TUB: variants seen among roughly 807,000 people sequenced by gnomAD.
The protein encoded by TUB is tubby protein homolog.
TUB carries 33 observed loss-of-function variants against 59.7 expected under a neutral mutation model. That is an observed-to-expected ratio of 0.55 (90% CI 0.42 to 0.74). TUB has a LOEUF of 0.74. Among genes scored for constraint, TUB ranks in the 30% least tolerant of loss-of-function variants. The pLI, the probability that TUB is intolerant of heterozygous loss-of-function variation, is 0.00. For missense variants in TUB, 659 were observed against 672.0 expected, an observed-to-expected ratio of 0.98 and a Z score of 0.21; for synonymous variants, 293 against 256.4, an observed-to-expected ratio of 1.14 and a Z score of -1.36.
intron 1 of TUB, among the ~76,000 whole-genome samples, chr11:8,022,166 C>A (rs1298300181): frequency 6.6e-6 from 1 of 152,174 alleles, no homozygotes; most frequent in African/African-American, 2.4e-5. Context: ...TTTGTCTACT[C>A]TCCAAAAGCA....
At chr11:8,029,392 T>C (rs111744286) in intron 1 of TUB, among the ~76,000 whole-genome samples, 59 of 49,600 alleles carry the variant, frequency 1.2e-3, no homozygotes, top group African/African-American at 1.9e-3. Context: ...TTCTTTCTTT[T>C]TTTTTTTTTT....
At chr11:8,096,996 G>T (rs1449673989) in intron 6 of TUB, among the ~76,000 whole-genome samples, 190 bp downstream of exon 6, 4 of 152,110 alleles carry the variant, frequency 2.6e-5, no homozygotes, top group Admixed American at 6.5e-5. Flanking sequence ...GATGCAGTTG[G>T]ACAGGATGAC....
intron 2 of TUB, among the ~76,000 whole-genome samples, chr11:8,055,791 G>A (rs1218131740): frequency 1.3e-5 from 2 of 152,238 alleles, no homozygotes; most frequent in African/African-American, 4.8e-5. Flanking sequence ...TAGGAAAGGA[G>A]CACCCCCTTG....
intron 1 of TUB, chr11:8,019,436 G>C (rs1942385182): frequency 8.2e-7 from 1 of 1,216,960 alleles, no homozygotes; most frequent in Admixed American, 4.3e-5. Context: ...GCCTCCGGGG[G>C]CTAGGACTGG....
At position 8,094,071 on chromosome 11, in the gene TUB, T is replaced by C; in HGVS notation, c.279T>C (p.Ser93=). Residue 93 remains serine, a synonymous_variant, in exon 4 of 12, where the codon AGT becomes AGC. Coordinates refer to ENST00000299506, the MANE Select transcript of TUB (RefSeq NM_177972.3). The stretch of plus-strand genomic sequence containing the variant: ...TTCAAGAGGCCGACTCACTCGCCAG[T>C]GTGCAGCTGGGAGCCACGCGCCCAA... ...YQVQEADSLA[S]VQLGATRPTA... is the part of the protein sequence containing the mutation. 1 of 1,614,164 alleles carries C rather than the reference T, an allele frequency of 6.2e-7. No homozygotes were observed. Among genetic ancestry groups the C allele is most frequent in the Non-Finnish European group, 8.5e-7 (1 of 1,180,030 alleles).
At chr11:8,090,574 C>G (rs1042039062) in intron 3 of TUB, among the ~76,000 whole-genome samples, 1 of 152,216 alleles carries the variant, frequency 6.6e-6, no homozygotes, top group African/African-American at 2.4e-5. Context: ...CACCAGTATT[C>G]TACATTCTGA....
chr11:8,062,801 G>A (rs1029621587), intron 2 of TUB, among the ~76,000 whole-genome samples: 2 of 152,126 alleles, frequency 1.3e-5, no homozygotes, highest in Non-Finnish European at 2.9e-5. Context: ...TGCAGCTGGG[G>A]GAGGAAACCA....
chr11:8,037,030 C>G (rs1942655961), upstream of TUB, among the ~76,000 whole-genome samples: 1 of 152,224 alleles, frequency 6.6e-6, no homozygotes, highest in Non-Finnish European at 1.5e-5. Context: ...TGTCCTTTTA[C>G]TCTGACTGGA....
rs146000868 is a variant in TUB at position 8,027,093 on chromosome 11, A to T, written c.56+7735A>T. 6.3e-3 allele frequency among the ~76,000 whole-genome samples: 953 copies of T among 152,250 alleles called. 8 individuals carry two copies. Among genetic ancestry groups the T allele is most frequent in the East Asian group, 0.014 (73 of 5,186 alleles). Reference sequence around the variant, plus strand: ...TTCCTAGTGTATAGCCTGTATTGGGATTCTTAATTGTGGTAAAATGTGTAT... The same window carrying T: ...TTCCTAGTGTATAGCCTGTATTGGGTTTCTTAATTGTGGTAAAATGTGTAT... On this transcript the variant is annotated intron_variant, in intron 1 of 11. Transcript: ENST00000534099.
Position 8,094,200 on chromosome 11 carries a change from A to T in TUB, c.397+11A>T. 6.2e-7 allele frequency: 1 copy of T among 1,607,132 alleles called. No homozygotes were observed. The highest frequency in any genetic ancestry group is 8.5e-7 in the Non-Finnish European group (1 of 1,176,310). On this transcript the variant is annotated intron_variant, in intron 4 of 11. Transcript: ENST00000299506. ...AGGGAAAGCACAAAGGTCAGCTCAC[A>T]TTCTCTACAGCCCTCCCCAGCAGGC...
chr11:8,028,901 G>C (rs2133705780), intron 1 of TUB, among the ~76,000 whole-genome samples: 2 of 152,246 alleles, frequency 1.3e-5, no homozygotes, highest in Admixed American at 1.3e-4. Context: ...AGTACCAGCT[G>C]CTTGGGAGGC....
At chr11:8,056,273 T>C (rs1476334429) in intron 2 of TUB, among the ~76,000 whole-genome samples, 1 of 152,150 alleles carries the variant, frequency 6.6e-6, no homozygotes, top group Non-Finnish European at 1.5e-5. Flanking sequence ...ATCCAGGGCA[T>C]GGGCTCAGAG....
chr11:8,077,705 C>G (rs1943472524), upstream of TUB: 1 of 152,332 alleles, frequency 6.6e-6, no homozygotes, highest in African/African-American at 2.4e-5. Context: ...TTGACTGCCT[C>G]TTTTCTGTGT....
At chr11:8,085,115 G>A (rs60510725) in intron 1 of TUB, among the ~76,000 whole-genome samples, 2,636 of 152,266 alleles carry the variant, frequency 0.017, 72 homozygotes, top group African/African-American at 0.059. Flanking sequence ...CCTCCGAGGT[G>A]CCCTGGGCAC....
chr11:8,020,419 C>A (rs1001602131), intron 1 of TUB, among the ~76,000 whole-genome samples: 10 of 152,130 alleles, frequency 6.6e-5, no homozygotes, highest in South Asian at 2.1e-4. Context: ...AACAGGTGTC[C>A]CTCCTGCCTA....
At chr11:8,075,627 T>G (rs1943436424) in intron 2 of TUB, 1 of 152,230 alleles carries the variant, frequency 6.6e-6, no homozygotes. Flanking sequence ...AAAATTATAT[T>G]AAATTTAGGG....
chr11:8,083,825 C>T lies in TUB; in HGVS notation c.38+2277C>T, dbSNP rs568354660. Among the ~76,000 whole-genome samples, 4 of 152,302 alleles carry T rather than the reference C, an allele frequency of 2.6e-5. No individual in the cohort carries two copies. In the East Asian group the frequency reaches 5.8e-4, roughly 22 times the overall value. ...CTATGTCAGCAGTTGCCAGGATCCCCCCTGCCCTGCTGGGGTCTTTCTGGG... is the reference window on the plus strand; with the variant it reads ...CTATGTCAGCAGTTGCCAGGATCCCTCCTGCCCTGCTGGGGTCTTTCTGGG... On this transcript the variant is annotated intron_variant, in intron 1 of 11. Coordinates refer to ENST00000299506, the MANE Select transcript of TUB (RefSeq NM_177972.3).
At chr11:8,044,002 C>T (rs1234686632) in intron 2 of TUB, among the ~76,000 whole-genome samples, 1 of 151,840 alleles carries the variant, frequency 6.6e-6, no homozygotes, top group Non-Finnish European at 1.5e-5. Flanking sequence ...TCTGGCTGCT[C>T]TTAAGATTTT....
chr11:8,046,862 A>C (rs1244732373), intron 2 of TUB, among the ~76,000 whole-genome samples: 2 of 152,166 alleles, frequency 1.3e-5, no homozygotes, highest in Admixed American at 6.5e-5. Context: ...GAAGAAGAAA[A>C]ATTGTCTTGG....
Sources: allele counts gnomAD v4.1 joint callset (sites outside exome capture counted in the v4.1 genomes callset), GRCh38; gene constraint gnomAD v4.1.1; transcripts MANE v1.5; gene names NCBI Gene and HGNC (gene_info 2026-07-23, HGNC 2026-07-21).